Variants in TNPO2 observed in about 807,000 individuals in gnomAD.
TNPO2 encodes the protein transportin-2.
TNPO2 carries 16 observed loss-of-function variants against 111.1 expected under a neutral mutation model. The observed-to-expected ratio is 0.14, with a 90% CI of 0.10 to 0.22. The LOEUF is 0.22. Among genes scored for constraint, TNPO2 ranks in the 10% least tolerant of loss-of-function variants. TNPO2 has a pLI of 1.00. For missense variants in TNPO2, 530 were observed against 1,173.7 expected, an observed-to-expected ratio of 0.45 and a Z score of 8.01; for synonymous variants, 481 against 475.8, an observed-to-expected ratio of 1.01 and a Z score of -0.14.
chr19:12,712,209 G>C (rs2026097202), intron 10 of TNPO2, among the ~76,000 whole-genome samples: 1 of 152,232 alleles, frequency 6.6e-6, no homozygotes, highest in Non-Finnish European at 1.5e-5. Flanking sequence ...GGCCACCAGA[G>C]GGCTCCTTGG....
In TNPO2 at chr19:12,699,501, G is replaced by C. The variant is rs2025181243; in HGVS notation, c.*1763C>G. The C allele has an allele frequency of 6.5e-6, 1 of 154,332 alleles. No individual in the cohort carries two copies. Among genetic ancestry groups the C allele is most frequent in the Non-Finnish European group, 1.4e-5 (1 of 69,932 alleles). The allele number at this position is 154,332 out of a possible 1,614,324, so 9.6% of individuals were successfully genotyped here. ...AAAAAAGGAAAACGAGAAGAACCAGGCTCCCCTTCCCTGAAGGTGTTTGTA... is the reference window on the plus strand; with the variant it reads ...AAAAAAGGAAAACGAGAAGAACCAGCCTCCCCTTCCCTGAAGGTGTTTGTA... On this transcript the variant is annotated 3_prime_UTR_variant, in exon 26 of 26. Transcript: ENST00000425528.
chr19:12,720,298 C>T (rs2026609275), intron 3 of TNPO2, among the ~76,000 whole-genome samples: 2 of 151,932 alleles, frequency 1.3e-5, no homozygotes, highest in South Asian at 4.2e-4. Context: ...GGATTGCAGG[C>T]GTGAACCACC....
intron 3 of TNPO2, among the ~76,000 whole-genome samples, chr19:12,720,322 A>G (rs190694641): frequency 9.9e-5 from 15 of 151,888 alleles, no homozygotes; most frequent in African/African-American, 2.7e-4. Flanking sequence ...CCTGGCCTAT[A>G]TATCTTTTCT....
At chr19:12,703,155 C>G (rs182184282) in intron 20 of TNPO2, 7 of 586,482 alleles carry the variant, frequency 1.2e-5, no homozygotes, top group South Asian at 2.2e-5. Context: ...GGTGACAACA[C>G]GCTGCCCAAG....
Position 12,705,690 on chromosome 19 carries a change from G to A in TNPO2, c.1747C>T (p.Leu583=), listed in dbSNP as rs2025609750. 6.5e-7 allele frequency: 1 copy of A among 1,526,764 alleles called. No individual in the cohort carries two copies. Among genetic ancestry groups the A allele is most frequent in the South Asian group, 1.2e-5 (1 of 80,354 alleles). 94.6% of individuals were successfully genotyped at this position (1,526,764 alleles called of 1,614,324 possible). A position where few individuals can be genotyped will look rare whatever the true frequency, so the allele number is the denominator to read the frequency against. The change falls in exon 16 of 26, where the codon CTG becomes TTG. Residue 583 remains leucine (L), a synonymous_variant. Transcript: ENST00000425528. This position sits in a 1 kb window ranked among gnomAD's most constrained non-coding sequence, Gnocchi z 7.2. Reference sequence around the variant, plus strand: ...GGCAGGAGCCCACTCACCTCCAGCAGGGGGAAGAGGTCCTTGTCTTCGTCC... The same window carrying A: ...GGCAGGAGCCCACTCACCTCCAGCAAGGGGAAGAGGTCCTTGTCTTCGTCC... The part of the protein sequence containing the change: ...LKDEDKDLFP[L]LECLSSVATA...
Position 12,715,608 on chromosome 19 carries a change from T to C in TNPO2, c.432+25A>G, listed in dbSNP as rs2026320068. 1 of 1,613,622 alleles carries C rather than the reference T, an allele frequency of 6.2e-7. No individual in the cohort carries two copies. The highest frequency in any genetic ancestry group is 1.3e-5 in the African/African-American group (1 of 74,914). On this transcript the variant is annotated intron_variant, in intron 6 of 25. Coordinates refer to ENST00000425528, the MANE Select transcript of TNPO2 (RefSeq NM_001382241.1). This position sits in a 1 kb window ranked among gnomAD's most constrained non-coding sequence, Gnocchi z 7.1. The stretch of plus-strand genomic sequence containing the variant: ...GGTCCCAGCCCCCCAGTACTCGCTC[T>C]GGCCATCCATGGCTTCTTGCCTACC...
intron 10 of TNPO2, among the ~76,000 whole-genome samples, chr19:12,714,347 C>T (rs1369359831): frequency 6.9e-6 from 1 of 145,556 alleles, no homozygotes; most frequent in Non-Finnish European, 1.5e-5. Context: ...GAGTTTTGCT[C>T]TGTCACCCAG....
chr19:12,713,360 C>G (rs1410630384), intron 10 of TNPO2, among the ~76,000 whole-genome samples: 5 of 152,022 alleles, frequency 3.3e-5, no homozygotes, highest in African/African-American at 1.2e-4. Flanking sequence ...TAATTTGGGG[C>G]CGGGCACAGG....
chr19:12,717,268 CTT>C (rs554725285), intron 5 of TNPO2, among the ~76,000 whole-genome samples: 8,794 of 121,902 alleles, frequency 0.072, 620 homozygotes, highest in African/African-American at 0.25. Context: ...CTTTTTCTCT[CTT>C]TTTTTTTTTT....
In TNPO2 at chr19:12,715,150, A is replaced by T; in HGVS notation, c.668T>A (p.Val223Glu). ...CTTCCGCACCTCGGGGTCATCATCC[A>T]CAGCCAGGGCAAATAGGTGCTGCAG... ...TFIEHLFALAVDDDPEVRKNV... is the reference protein window; with the variant it reads ...TFIEHLFALAEDDDPEVRKNV... Residue 223 changes from valine (V) to glutamate (E), a missense_variant, in exon 9 of 26, where the codon GTG (valine) becomes GAG (glutamate). Physicochemically the swap from Val to Glu is moderately radical, Grantham distance 121. This residue lies in a region of TNPO2 where 156 missense variants were observed against 405.8 expected (regional missense o/e 0.38). Coordinates refer to ENST00000425528, the MANE Select transcript of TNPO2 (RefSeq NM_001382241.1). The surrounding 1 kb of genome is among the most constrained non-coding windows in gnomAD (Gnocchi z 7.1). The T allele has an allele frequency of 1.2e-6, 2 of 1,607,118 alleles. No homozygotes were observed. Among genetic ancestry groups the T allele is most frequent in the Non-Finnish European group, 1.7e-6 (2 of 1,175,276 alleles).
In TNPO2 at chr19:12,703,098, A is replaced by G. The variant is rs28444679; in HGVS notation, c.2210-180T>C. ...ACCCAGAATCCCTGGCCAACCAGGG[A>G]CAGACCCACACCCTCCAAACAACAG... On this transcript the variant is annotated intron_variant, in intron 20 of 25. Coordinates refer to ENST00000425528, the MANE Select transcript of TNPO2 (RefSeq NM_001382241.1). The G allele has an allele frequency of 3.4e-3, 2,044 of 607,456 alleles. 34 individuals carry two copies. The highest frequency in any genetic ancestry group is 0.032 in the African/African-American group (1,710 of 54,118). 37.6% of individuals were successfully genotyped at this position (607,456 alleles called of 1,614,324 possible).
chr19:12,721,627 A>G lies in TNPO2; in HGVS notation c.-13-637T>C, dbSNP rs1599432789. On this transcript the variant is annotated intron_variant, in intron 2 of 25. Coordinates refer to ENST00000425528, the MANE Select transcript of TNPO2 (RefSeq NM_001382241.1). This position sits in a 1 kb window ranked among gnomAD's most constrained non-coding sequence, Gnocchi z 4.9. The stretch of plus-strand genomic sequence containing the variant: ...GATATCCCCCTCTGTGGCCTAGCCA[A>G]ATTCTAAGGATTCCCCTTAATCAGG... 4 of 270,246 alleles carry G rather than the reference A, an allele frequency of 1.5e-5. 1 individual carries two copies. Among genetic ancestry groups the G allele is most frequent in the South Asian group, 9.1e-5 (3 of 32,806 alleles). 16.7% of individuals were successfully genotyped at this position (270,246 alleles called of 1,614,324 possible). A position where few individuals can be genotyped will look rare whatever the true frequency, so the allele number is the denominator to read the frequency against.
rs2025337990 is a variant in TNPO2, at chr19:12,701,976, A to G, written c.2411+96T>C. 7 of 1,417,454 alleles carry G rather than the reference A, an allele frequency of 4.9e-6. No homozygotes were observed. Among genetic ancestry groups the G allele is most frequent in the Middle Eastern group, 1.8e-4 (1 of 5,694 alleles). The allele number at this position is 1,417,454 out of a possible 1,614,324, so 87.8% of individuals were successfully genotyped here. On this transcript the variant is annotated intron_variant, in intron 22 of 25. Coordinates refer to ENST00000425528, the MANE Select transcript of TNPO2 (RefSeq NM_001382241.1). The surrounding 1 kb of genome is among the most constrained non-coding windows in gnomAD (Gnocchi z 5.0). ...TCTGTGGGGGTGGGGCAGGGCAGGG[A>G]GTCAGTAGGCAGATGGGGCTGGAAA...
rs1045215050 is a variant in TNPO2 at position 12,708,947 on chromosome 19, A to G, written c.1270+1674T>C. 3.3e-5 allele frequency among the ~76,000 whole-genome samples: 5 copies of G among 151,734 alleles called. No individual in the cohort carries two copies. In the South Asian group the frequency reaches 1.0e-3, roughly 32 times the overall value. On this transcript the variant is annotated intron_variant, in intron 13 of 25. Coordinates refer to ENST00000425528, the MANE Select transcript of TNPO2 (RefSeq NM_001382241.1). ...CTACTCTGGAGGCTGAGGCAGGAGA[A>G]TTGCTTGAACCCGGGAGGCAGAATG...
In TNPO2 at chr19:12,701,280, T is replaced by C; in HGVS notation, c.*21-37A>G. 7.4e-7 allele frequency: 1 copy of C among 1,350,466 alleles called. No homozygotes were observed. Among genetic ancestry groups the C allele is most frequent in the Non-Finnish European group, 1.0e-6 (1 of 954,802 alleles). 83.7% of individuals were successfully genotyped at this position (1,350,466 alleles called of 1,614,324 possible). On this transcript the variant is annotated intron_variant, in intron 25 of 25. Transcript: ENST00000425528. The surrounding 1 kb of genome is among the most constrained non-coding windows in gnomAD (Gnocchi z 5.0). The stretch of plus-strand genomic sequence containing the variant: ...GGAGGAAGGTCATGGCCTGGGACCT[T>C]TCGGCCCCCAAGACAGTGCTGACTT...
chr19:12,699,464 T>TAA lies in TNPO2; in HGVS notation c.*1798_*1799dup, dbSNP rs141687742. 5.0e-5 allele frequency: 6 copies of TAA among 118,994 alleles called. No homozygotes were observed. Among genetic ancestry groups the TAA allele is most frequent in the South Asian group, 4.4e-4 (2 of 4,590 alleles). 7.4% of individuals were successfully genotyped at this position (118,994 alleles called of 1,614,324 possible). A position where few individuals can be genotyped will look rare whatever the true frequency, so the allele number is the denominator to read the frequency against. On this transcript the variant is annotated 3_prime_UTR_variant, in exon 26 of 26. Coordinates refer to ENST00000425528, the MANE Select transcript of TNPO2 (RefSeq NM_001382241.1). The stretch of plus-strand genomic sequence containing the variant: ...ATTAAAAAATTAAATAGTTTTTTTT[T>TAA]AAAAAAAAAAAAAAAAAGGAAAACG...
intron 13 of TNPO2, among the ~76,000 whole-genome samples, chr19:12,709,262 T>A (rs1211154327): frequency 1.3e-5 from 2 of 151,510 alleles, no homozygotes; most frequent in African/African-American, 4.9e-5. Flanking sequence ...CTCAGGAGGC[T>A]GAGGCAGGAG....
At chr19:12,703,551 GAGA>G (rs749703554) in intron 19 of TNPO2, 25 bp from the exon 20 acceptor site, 12 of 1,611,430 alleles carry the variant, frequency 7.4e-6, no homozygotes, top group South Asian at 1.1e-5. Flanking sequence ...CAGGGGTGCT[GAGA>G]AGGAGGGCCA....
Position 12,706,072 on chromosome 19 carries a change from G to GGTCT in TNPO2, c.1668+120_1668+123dup, listed in dbSNP as rs1568332978. 3.6e-6 allele frequency: 4 copies of GGTCT among 1,110,914 alleles called. No individual in the cohort carries two copies. Among genetic ancestry groups the GGTCT allele is most frequent in the African/African-American group, 3.1e-5 (2 of 64,222 alleles). 68.8% of individuals were successfully genotyped at this position (1,110,914 alleles called of 1,614,324 possible). On this transcript the variant is annotated intron_variant, in intron 15 of 25. Transcript: ENST00000425528. This position sits in a 1 kb window ranked among gnomAD's most constrained non-coding sequence, Gnocchi z 7.0. ...TGGGAGCAGGGCGAGGGCGGGGCCG[G>GGTCT]GTCTGTCTGTCTGCCTGTCGAGGTC...
Sources: gnomAD v4.1 joint callset for allele counts (sites outside exome capture counted in the v4.1 genomes callset) on GRCh38, gnomAD v4.1.1 for gene constraint, gnomAD v4.1.1 regional missense constraint, Gnocchi (gnomAD v3.1) non-coding constraint, MANE v1.5 for transcripts, NCBI Gene and HGNC (gene_info 2026-07-23, HGNC 2026-07-21) for gene names.